The following RGS7 variants were observed in gnomAD, a reference collection of about 807,000 sequenced individuals.
RGS7 encodes regulator of G protein signaling 7.
A neutral mutation model predicts 81.1 loss-of-function variants in RGS7; 27 were observed. That is an observed-to-expected ratio of 0.33 (90% CI 0.25 to 0.46). The LOEUF (loss-of-function observed/expected upper bound fraction) is 0.46. Among genes scored for constraint, RGS7 ranks in the 20% least tolerant of loss-of-function variants. The probability of loss-of-function intolerance (pLI) is 1.00; values close to 1 mark genes in which losing one functional copy is unlikely to be tolerated. For missense variants in RGS7, 396 were observed against 607.4 expected, an observed-to-expected ratio of 0.65 and a Z score of 3.66; for synonymous variants, 208 against 207.7, an observed-to-expected ratio of 1.00 and a Z score of -0.01.
chr1:241,317,040 A>G (rs1213648686), intron 2 of RGS7, among the ~76,000 whole-genome samples: 2 of 152,244 alleles, frequency 1.3e-5, no homozygotes, highest in Non-Finnish European at 2.9e-5. Flanking sequence ...AAAATAATCA[A>G]TCAAGCACTG....
intron 3 of RGS7, among the ~76,000 whole-genome samples, chr1:241,051,738 G>T (rs1206347626): frequency 6.6e-6 from 1 of 152,148 alleles, no homozygotes; most frequent in East Asian, 1.9e-4. Context: ...GCATTTGCTT[G>T]CATCAACAGA....
intron 2 of RGS7, among the ~76,000 whole-genome samples, chr1:241,244,961 T>C (rs561161081): frequency 1.4e-5 from 1 of 69,894 alleles, no homozygotes; most frequent in Non-Finnish European, 2.7e-5. Flanking sequence ...CTGTTGTAGG[T>C]TGGGGGGAGG....
intron 3 of RGS7, among the ~76,000 whole-genome samples, chr1:241,028,169 G>T (rs11586345): frequency 1.3e-5 from 2 of 152,124 alleles, no homozygotes; most frequent in African/African-American, 4.8e-5. Context: ...CCCTTTCAAC[G>T]TTTGGATGTT....
At chr1:240,982,990 T>C in intron 4 of RGS7, 89 bp downstream of exon 4, 2 of 733,898 alleles carry the variant, frequency 2.7e-6, no homozygotes, top group South Asian at 1.6e-5. Context: ...GAGGTTTGCT[T>C]GCGTGCCATA....
intron 2 of RGS7, among the ~76,000 whole-genome samples, chr1:241,208,385 C>G (rs2686216): frequency 0.18 from 27,006 of 151,966 alleles, 3,000 homozygotes; most frequent in African/African-American, 0.31. Flanking sequence ...AACCACACCA[C>G]GACACTGCTG....
chr1:240,998,449 G>T (rs912805233), intron 3 of RGS7: 2 of 857,498 alleles, frequency 2.3e-6, no homozygotes, highest in Non-Finnish European at 3.7e-6. Context: ...AAGAGGTTTC[G>T]TCAAAAAGAC....
chr1:241,254,922 C>A (rs1242636947), intron 2 of RGS7, among the ~76,000 whole-genome samples: 2 of 152,312 alleles, frequency 1.3e-5, no homozygotes, highest in Admixed American at 6.5e-5. Flanking sequence ...ACACCCACTA[C>A]ATAGCATCAC....
At chr1:240,837,116 A>G (rs1694848544) in intron 9 of RGS7, among the ~76,000 whole-genome samples, 1 of 152,246 alleles carries the variant, frequency 6.6e-6, no homozygotes, top group South Asian at 2.1e-4. Flanking sequence ...TCAGCTTTAA[A>G]TTACCTAAAA....
Position 241,292,221 on chromosome 1 carries a change from T to C in RGS7, c.78+63478A>G, listed in dbSNP as rs962917897. On this transcript the variant is annotated intron_variant, in intron 2 of 18. Coordinates refer to ENST00000440928, the MANE Select transcript of RGS7 (RefSeq NM_001364886.1). ...TAACTAACTTATTACATACTTCTAC[T>C]TACATAAGTAAAAATACACTCTAAA... Among the ~76,000 whole-genome samples, 21 of 152,292 alleles carry C rather than the reference T, an allele frequency of 1.4e-4. No homozygotes were observed. The East Asian group carries it at 4.1e-3, about 29-fold the overall frequency.
At position 240,840,650 on chromosome 1, in the gene RGS7, T is replaced by C. The variant is rs372893268; in HGVS notation, c.610-13478A>G. ...CTTTCTCCAAATACTATGTAGTCCC[T>C]CTCGATCACATCACCTTGCTTTTAT... On this transcript the variant is annotated intron_variant, in intron 9 of 18. Transcript: ENST00000440928. Among the ~76,000 whole-genome samples, 5 of 152,220 alleles carry C rather than the reference T, an allele frequency of 3.3e-5. No individual in the cohort carries two copies. In the East Asian group the frequency reaches 5.8e-4, roughly 18 times the overall value.
intron 3 of RGS7, among the ~76,000 whole-genome samples, chr1:241,059,257 C>T (rs560033954): frequency 1.3e-5 from 2 of 152,292 alleles, no homozygotes; most frequent in African/African-American, 4.8e-5. Flanking sequence ...ACTCCTTGGG[C>T]TTTCCCACAC....
chr1:241,015,449 C>T (rs544912073), intron 3 of RGS7, among the ~76,000 whole-genome samples: 8 of 152,188 alleles, frequency 5.3e-5, no homozygotes, highest in South Asian at 2.1e-4. Context: ...TAGTAATTTG[C>T]GTAACTTAAA....
chr1:240,853,866 A>G (rs1412061569), intron 9 of RGS7, among the ~76,000 whole-genome samples: 2 of 121,660 alleles, frequency 1.6e-5, no homozygotes, highest in Non-Finnish European at 3.2e-5. Flanking sequence ...AGGCCACTGC[A>G]CTCCAGCCTG....
intron 10 of RGS7, chr1:240,822,967 TC>T: frequency 2.0e-6 from 1 of 507,286 alleles, no homozygotes. Context: ...ACATTTTTTT[TC>T]ATCAGGGGCT....
chr1:240,831,630 C>CTTTTTTT lies in RGS7; in HGVS notation c.610-4465_610-4459dup, dbSNP rs767275119. ...ATGACAACAGAACATTCCAGACATC[C>CTTTTTTT]TTTTTTTTTTTTTTTTTTTCCTGAG... On this transcript the variant is annotated intron_variant, in intron 9 of 18. Coordinates refer to ENST00000440928, the MANE Select transcript of RGS7 (RefSeq NM_001364886.1). Among the ~76,000 whole-genome samples the CTTTTTTT allele has an allele frequency of 2.2e-5, 3 of 135,400 alleles. 1 individual carries two copies. Among genetic ancestry groups the CTTTTTTT allele is most frequent in the Non-Finnish European group, 4.8e-5 (3 of 62,526 alleles). The allele number at this position is 135,400 out of a possible 152,430, so 88.8% of individuals were successfully genotyped here. A position where few individuals can be genotyped will look rare whatever the true frequency, so the allele number is the denominator to read the frequency against.
intron 2 of RGS7, among the ~76,000 whole-genome samples, chr1:241,260,878 T>C (rs1368170212): frequency 7.4e-6 from 1 of 134,942 alleles, no homozygotes; most frequent in Non-Finnish European, 1.5e-5. Context: ...AGACAGTTTT[T>C]TCATGGACAC....
At chr1:241,299,004 A>G (rs1169480456) in intron 2 of RGS7, among the ~76,000 whole-genome samples, 1 of 152,204 alleles carries the variant, frequency 6.6e-6, no homozygotes, top group Non-Finnish European at 1.5e-5. Context: ...ATAATTTAGC[A>G]CCTAAAGAAC....
chr1:241,039,518 G>C (rs2060494960), intron 3 of RGS7, among the ~76,000 whole-genome samples: 1 of 152,052 alleles, frequency 6.6e-6, no homozygotes, highest in South Asian at 2.1e-4. Flanking sequence ...ATGGAAACCA[G>C]AAGGTAGATT....
Position 240,775,941 on chromosome 1 carries a change from G to T in RGS7, c.*279C>A. The stretch of plus-strand genomic sequence containing the variant: ...AACTTGTTAAAAAGGAAGAGACACA[G>T]ATCCAGCATAGTAGAAGGAGAAAGA... On this transcript the variant is annotated 3_prime_UTR_variant, in exon 19 of 19. Coordinates refer to ENST00000440928, the MANE Select transcript of RGS7 (RefSeq NM_001364886.1). 3.6e-6 allele frequency: 2 copies of T among 555,930 alleles called. No individual in the cohort carries two copies. The highest frequency in any genetic ancestry group is 2.2e-5 in the South Asian group (1 of 44,872). 34.4% of individuals were successfully genotyped at this position (555,930 alleles called of 1,614,324 possible).
Sources: gnomAD v4.1 joint callset for allele counts (sites outside exome capture counted in the v4.1 genomes callset) on GRCh38, gnomAD v4.1.1 for gene constraint, MANE v1.5 for transcripts, NCBI Gene and HGNC (gene_info 2026-07-23, HGNC 2026-07-21) for gene names.